The following ADAMTS18 variants were observed in gnomAD, a reference collection of about 807,000 sequenced individuals.
ADAMTS18 encodes A disintegrin and metalloproteinase with thrombospondin motifs 18.
A neutral mutation model predicts 165.9 loss-of-function variants in ADAMTS18; 157 were observed. The ratio of observed to expected loss-of-function variants is 0.95; its 90% CI spans 0.83 to 1.08. ADAMTS18 has a LOEUF of 1.08. Ranked by LOEUF, ADAMTS18 falls within the 50% of genes least tolerant of loss-of-function variation. The pLI is 0.00. For missense variants in ADAMTS18, 2,040 were observed against 1,534.0 expected (o/e 1.33, Z -5.51); for synonymous variants, 782 against 578.2 (o/e 1.35, Z -5.06).
At position 77,282,990 on chromosome 16, in the gene ADAMTS18, C is replaced by G. The variant is rs1034845127; in HGVS notation, c.*966G>C. 1 of 144,136 alleles carries G rather than the reference C, an allele frequency of 6.9e-6. No homozygotes were observed. Among genetic ancestry groups the G allele is most frequent in the African/African-American group, 2.6e-5 (1 of 38,996 alleles). 8.9% of individuals were successfully genotyped at this position (144,136 alleles called of 1,614,324 possible). On this transcript the variant is annotated 3_prime_UTR_variant, in exon 23 of 23. Coordinates refer to ENST00000282849, the MANE Select transcript of ADAMTS18 (RefSeq NM_199355.4). ...GTTGGTAGGAAAAAGCCACAAGTGG[C>G]CTTTAATTTTCCAAGCAGCTCTGGT...
chr16:77,404,813 C>T (rs1485176023), intron 3 of ADAMTS18, among the ~76,000 whole-genome samples: 1 of 152,124 alleles, frequency 6.6e-6, no homozygotes, highest in Non-Finnish European at 1.5e-5. Flanking sequence ...CAAGAAGTTC[C>T]TTATCTACTA....
Position 77,400,424 on chromosome 16 carries a change from T to TTGTGTGTGTGTGTGTGTGTGTG in ADAMTS18, c.495+30849_495+30870dup, listed in dbSNP as rs145473637. ...AGTGAACATCCTATTTCAGGGGGAATTGTGTGTGTGTGTGTGTGTGTGTGT... is the reference window on the plus strand; with the variant it reads ...AGTGAACATCCTATTTCAGGGGGAATTGTGTGTGTGTGTGTGTGTGTGTGTGTGTGTGTGTGTGTGTGTGTGT... On this transcript the variant is annotated intron_variant, in intron 3 of 22. Transcript: ENST00000282849. Among the ~76,000 whole-genome samples the TTGTGTGTGTGTGTGTGTGTGTG allele has an allele frequency of 1.5e-5, 2 of 136,050 alleles. 1 individual carries two copies. The highest frequency in any genetic ancestry group is 5.8e-5 in the African/African-American group (2 of 34,700). 89.3% of individuals were successfully genotyped at this position (136,050 alleles called of 152,430 possible). A position where few individuals can be genotyped will look rare whatever the true frequency, so the allele number is the denominator to read the frequency against.
intron 3 of ADAMTS18, among the ~76,000 whole-genome samples, chr16:77,425,763 C>A (rs2057663583): frequency 6.6e-6 from 1 of 152,060 alleles, no homozygotes; most frequent in African/African-American, 2.4e-5. Flanking sequence ...GAGGAGTGGG[C>A]CGGGCACGGT....
chr16:77,317,888 G>C (rs1048620840), intron 16 of ADAMTS18, among the ~76,000 whole-genome samples: 1 of 152,088 alleles, frequency 6.6e-6, no homozygotes, highest in Non-Finnish European at 1.5e-5. Flanking sequence ...CTTCAGTTTA[G>C]ACAGAAGAAG....
Position 77,320,066 on chromosome 16 carries a change from G to A in ADAMTS18, c.2315C>T (p.Ala772Val). The A allele has an allele frequency of 6.2e-7, 1 of 1,614,042 alleles. No homozygotes were observed. The highest frequency in any genetic ancestry group is 8.5e-7 in the Non-Finnish European group (1 of 1,179,970). ...CTGGATTTCGATGCTTCGGGCGCCA[G>A]CTGGAATGAGGACCACCGGATAATA... ...NEYYPVVLIP[A>V]GARSIEIQEL... is the part of the protein sequence containing the mutation. The change falls in exon 16 of 23, where the codon GCT (alanine) becomes GTT (valine). Residue 772 changes from alanine (A) to valine (V), a missense_variant. Ala to Val is a moderately conservative substitution (Grantham distance 64). Transcript: ENST00000282849.
intron 10 of ADAMTS18, among the ~76,000 whole-genome samples, chr16:77,347,289 T>G (rs8050620): frequency 0.5 from 75,219 of 151,940 alleles, 19,352 homozygotes; most frequent in East Asian, 0.88. Context: ...ATGAACACAG[T>G]CCTTTATTTA....
At chr16:77,377,242 T>C (rs577707791) in intron 3 of ADAMTS18, among the ~76,000 whole-genome samples, 6 of 152,336 alleles carry the variant, frequency 3.9e-5, no homozygotes, top group Admixed American at 2.0e-4. Flanking sequence ...AGGCTTTAGA[T>C]TTAACAGAAA....
In ADAMTS18 at chr16:77,322,154, C is replaced by CA. The variant is rs36089291; in HGVS notation, c.2163+181dup. On this transcript the variant is annotated intron_variant, in intron 14 of 22. Coordinates refer to ENST00000282849, the MANE Select transcript of ADAMTS18 (RefSeq NM_199355.4). ...TGGGTGACAGAGTGAAATTTCATCT[C>CA]AAAAAAAAAAAAAAAAAAAAAAAAG... Among the ~76,000 whole-genome samples the CA allele has an allele frequency of 3.6e-3, 260 of 73,168 alleles. 1 individual carries two copies. The highest frequency in any genetic ancestry group is 6.5e-3 in the East Asian group (16 of 2,444). 48.0% of individuals were successfully genotyped at this position (73,168 alleles called of 152,430 possible). A position where few individuals can be genotyped will look rare whatever the true frequency, so the allele number is the denominator to read the frequency against.
At chr16:77,364,426 C>T in intron 4 of ADAMTS18, 45 bp from the exon 5 acceptor site, 2 of 1,591,338 alleles carry the variant, frequency 1.3e-6, no homozygotes, top group South Asian at 2.2e-5. Flanking sequence ...TAGAGAATAT[C>T]TGGATAAGAC....
chr16:77,340,770 G>A (rs762542584), intron 11 of ADAMTS18, among the ~76,000 whole-genome samples: 7 of 151,844 alleles, frequency 4.6e-5, no homozygotes, highest in East Asian at 1.9e-4. Flanking sequence ...ATAGGGTCTC[G>A]CTGTGTTACC....
At chr16:77,390,709 A>G (rs2057174921) in intron 3 of ADAMTS18, among the ~76,000 whole-genome samples, 1 of 151,610 alleles carries the variant, frequency 6.6e-6, no homozygotes, top group Admixed American at 6.6e-5. Flanking sequence ...GAAAAAAAAA[A>G]AAAGAAGAAT....
intron 22 of ADAMTS18, among the ~76,000 whole-genome samples, chr16:77,284,341 T>TCA (rs1208894751): frequency 3.3e-5 from 5 of 152,122 alleles, no homozygotes; most frequent in Non-Finnish European, 5.9e-5. Context: ...CTGGCCAGGC[T>TCA]GGTCTCAAAT....
At position 77,341,691 on chromosome 16, in the gene ADAMTS18, G is replaced by C; in HGVS notation, c.1710+13C>G. ...AATTTCTGGAGCTAAAAACTAACAA[G>C]TATGCAGTTTACCATACTCAAGCCA... On this transcript the variant is annotated intron_variant, in intron 11 of 22. Coordinates refer to ENST00000282849, the MANE Select transcript of ADAMTS18 (RefSeq NM_199355.4). 1 of 1,608,386 alleles carries C rather than the reference G, an allele frequency of 6.2e-7. No homozygotes were observed. The highest frequency in any genetic ancestry group is 8.5e-7 in the Non-Finnish European group (1 of 1,175,768).
At position 77,319,993 on chromosome 16, in the gene ADAMTS18, T is replaced by C. The variant is rs2055963245; in HGVS notation, c.2388A>G (p.Gln796=). ...TCCAGCCCCCGGTGAGGTAATACTT[T>C]TGACTGAGGCTTCGAACTGCGAGGT... ...SSYLAVRSLS[Q]KYYLTGGWSI... Residue 796 remains glutamine, a synonymous_variant, in exon 16 of 23, where the codon CAA becomes CAG. Coordinates refer to ENST00000282849, the MANE Select transcript of ADAMTS18 (RefSeq NM_199355.4). The C allele has an allele frequency of 6.2e-7, 1 of 1,614,134 alleles. No homozygotes were observed. The highest frequency in any genetic ancestry group is 1.3e-5 in the African/African-American group (1 of 75,030).
At chr16:77,426,711 C>G (rs1340460481) in intron 3 of ADAMTS18, among the ~76,000 whole-genome samples, 2 of 152,156 alleles carry the variant, frequency 1.3e-5, no homozygotes, top group African/African-American at 4.8e-5. Flanking sequence ...ACACTAGAGG[C>G]TAATAGTTGT....
chr16:77,284,203 G>A, intron 22 of ADAMTS18, 132 bp from the exon 23 acceptor site: 1 of 638,012 alleles, frequency 1.6e-6, no homozygotes, highest in Non-Finnish European at 2.8e-6. Context: ...TCCGCTCACT[G>A]CAATCTCTGC....
chr16:77,295,319 T>C (rs2055448224), intron 18 of ADAMTS18, among the ~76,000 whole-genome samples, 192 bp from the exon 19 acceptor site: 1 of 152,204 alleles, frequency 6.6e-6, no homozygotes, highest in Non-Finnish European at 1.5e-5. Flanking sequence ...AATAATCACA[T>C]TTAATCATCC....
In ADAMTS18 at chr16:77,356,223, A is replaced by C; in HGVS notation, c.1323-146T>G. ...AAACTGGAAAAGAGAAAGGCAAATT[A>C]CTATAGATTGTTATAAAATTCACAC... On this transcript the variant is annotated intron_variant, in intron 8 of 22. Coordinates refer to ENST00000282849, the MANE Select transcript of ADAMTS18 (RefSeq NM_199355.4). 4.0e-6 allele frequency: 4 copies of C among 1,009,942 alleles called. No homozygotes were observed. The South Asian group carries it at 5.8e-5, about 15-fold the overall frequency. 62.6% of individuals were successfully genotyped at this position (1,009,942 alleles called of 1,614,324 possible). A position where few individuals can be genotyped will look rare whatever the true frequency, so the allele number is the denominator to read the frequency against.
At chr16:77,404,795 T>C (rs774554864) in intron 3 of ADAMTS18, among the ~76,000 whole-genome samples, 4 of 152,242 alleles carry the variant, frequency 2.6e-5, no homozygotes, top group Admixed American at 1.3e-4. Flanking sequence ...ATAATCACTC[T>C]CTATCCTCAA....
Sources: allele counts gnomAD v4.1 joint callset (sites outside exome capture counted in the v4.1 genomes callset), GRCh38; gene constraint gnomAD v4.1.1; transcripts MANE v1.5; gene names NCBI Gene and HGNC (gene_info 2026-07-23, HGNC 2026-07-21).